Variants in PDCD1 observed in about 807,000 individuals in gnomAD.
The protein encoded by PDCD1 is programmed cell death protein 1.
PDCD1 carries 10 observed loss-of-function variants against 23.6 expected under a neutral mutation model. The ratio of observed to expected loss-of-function variants is 0.42; its 90% CI spans 0.26 to 0.72. The LOEUF (loss-of-function observed/expected upper bound fraction) is 0.72, where lower values mean the gene tolerates loss of function less well. PDCD1 is among the 30% of genes least tolerant of loss of function. The pLI is 0.24. For missense variants in PDCD1, 313 were observed against 397.8 expected, an observed-to-expected ratio of 0.79 and a Z score of 1.81; for synonymous variants, 168 against 169.3, an observed-to-expected ratio of 0.99 and a Z score of 0.06.
Position 241,851,118 on chromosome 2 carries a change from G to A in PDCD1, c.807C>T (p.Asp269=), listed in dbSNP as rs368411538. Reference sequence around the variant, plus strand: ...TCAGTGGCTGGGCACTCCGAGGGCCGTCAGCTGAGCCCCTGCGGGCGGGGG... The same window carrying A: ...TCAGTGGCTGGGCACTCCGAGGGCCATCAGCTGAGCCCCTGCGGGCGGGGG... ...TSSPARRGSA[D]GPRSAQPLRP... is the part of the protein sequence containing the mutation. Residue 269 remains aspartate, a synonymous_variant, in exon 5 of 5, where the codon GAC becomes GAT. Coordinates refer to ENST00000334409, the MANE Select transcript of PDCD1 (RefSeq NM_005018.3). 21 of 1,613,238 alleles carry A rather than the reference G, an allele frequency of 1.3e-5. No homozygotes were observed. Among genetic ancestry groups the A allele is most frequent in the Admixed American group, 1.0e-4 (6 of 60,024 alleles).
chr2:241,855,462 G>C lies in PDCD1; in HGVS notation c.77-2482C>G, dbSNP rs543704749. Among the ~76,000 whole-genome samples, 10 of 152,322 alleles carry C rather than the reference G, an allele frequency of 6.6e-5. No homozygotes were observed. The South Asian group carries it at 2.1e-3, about 32-fold the overall frequency. On this transcript the variant is annotated intron_variant, in intron 1 of 4. Transcript: ENST00000334409. The stretch of plus-strand genomic sequence containing the variant: ...CTGGTCCTGGATCAAGTTAGATTTG[G>C]GGTGTTTCTATGGGATTCCATTGTT...
Position 241,850,068 on chromosome 2 carries a change from G to A in PDCD1, c.*990C>T, listed in dbSNP as rs1019156395. The A allele has an allele frequency of 4.4e-6, 1 of 229,032 alleles. No individual in the cohort carries two copies. Among genetic ancestry groups the A allele is most frequent in the Non-Finnish European group, 8.7e-6 (1 of 115,448 alleles). The allele number at this position is 229,032 out of a possible 1,614,324, so 14.2% of individuals were successfully genotyped here. On this transcript the variant is annotated 3_prime_UTR_variant, in exon 5 of 5. Transcript: ENST00000334409. Reference sequence around the variant, plus strand: ...CCACGGCGGGGGTACTAGGCCCCGGGGGAACGCCTGTACCTTCCCACCCAG... The same window carrying A: ...CCACGGCGGGGGTACTAGGCCCCGGAGGAACGCCTGTACCTTCCCACCCAG...
At chr2:241,858,368 T>C (rs529619844) in intron 1 of PDCD1, among the ~76,000 whole-genome samples, 55 of 152,316 alleles carry the variant, frequency 3.6e-4, no homozygotes, top group African/African-American at 1.2e-3. Context: ...CGGCCAAGGT[T>C]TGGGGTTCTG....
At position 241,852,563 on chromosome 2, in the gene PDCD1, G is replaced by T; in HGVS notation, c.436+58C>A. On this transcript the variant is annotated intron_variant, in intron 2 of 4. Coordinates refer to ENST00000334409, the MANE Select transcript of PDCD1 (RefSeq NM_005018.3). ...GAGCTCCTGATCCTGTGCAGGAGGG[G>T]ACACCCACCCCAGGACCGGCTCAGC... is the stretch of plus-strand genomic sequence containing the variant. The T allele has an allele frequency of 3.2e-6, 5 of 1,574,588 alleles. No homozygotes were observed. The South Asian group carries it at 5.8e-5, about 18-fold the overall frequency.
intron 1 of PDCD1, among the ~76,000 whole-genome samples, chr2:241,856,657 T>TA (rs891057147): frequency 1.3e-5 from 2 of 151,542 alleles, no homozygotes; most frequent in East Asian, 1.9e-4. Context: ...ACCCTGTCTC[T>TA]AAAAAAAATG....
intron 2 of PDCD1, 106 bp from the exon 3 acceptor site, chr2:241,852,459 C>T (rs557304957): frequency 1.7e-6 from 2 of 1,144,912 alleles, no homozygotes; most frequent in Admixed American, 2.6e-5. Flanking sequence ...AGCTAGAGGA[C>T]AGAGATGCCG....
In PDCD1 at chr2:241,852,269, A is replaced by G. The variant is rs753341082; in HGVS notation, c.521T>C (p.Val174Ala). 13 of 1,611,628 alleles carry G rather than the reference A, an allele frequency of 8.1e-6. No individual in the cohort carries two copies. The highest frequency in any genetic ancestry group is 1.1e-5 in the Non-Finnish European group (13 of 1,179,626). Reference protein sequence around the residue: ...GQFQTLVVGVVGGLLGSLVLL... With the variant: ...GQFQTLVVGVAGGLLGSLVLL... ...CACCAGGCTGCCCAGCAGGCCGCCC[A>G]CGACACCAACCACCAGGGTTTGGAA... The change falls in exon 3 of 5, where the codon GTG (valine) becomes GCG (alanine). Residue 174 changes from valine to alanine, a missense_variant. Val to Ala is a moderately conservative substitution (Grantham distance 64). This residue lies in a region of PDCD1 where 158 missense variants were observed against 177.5 expected (regional missense o/e 0.89). Coordinates refer to ENST00000334409, the MANE Select transcript of PDCD1 (RefSeq NM_005018.3).
intron 1 of PDCD1, among the ~76,000 whole-genome samples, chr2:241,854,499 AG>A (rs1273336461): frequency 1.3e-5 from 2 of 152,042 alleles, no homozygotes; most frequent in Non-Finnish European, 2.9e-5. Flanking sequence ...TGTGACTCTC[AG>A]GGCCAGCAGG....
chr2:241,857,144 A>G (rs1361639305), intron 1 of PDCD1, among the ~76,000 whole-genome samples: 1 of 152,196 alleles, frequency 6.6e-6, no homozygotes, highest in African/African-American at 2.4e-5. Context: ...GGCCCCGGGA[A>G]TGACCGAATG....
intron 1 of PDCD1, among the ~76,000 whole-genome samples, chr2:241,855,342 C>T (rs900675504): frequency 3.9e-5 from 6 of 152,102 alleles, no homozygotes; most frequent in Non-Finnish European, 8.8e-5. Context: ...CCTGCCTCAC[C>T]CCAGTCCTCA....
At chr2:241,852,157 G>C in intron 3 of PDCD1, 41 bp downstream of exon 3, 1 of 1,590,518 alleles carries the variant, frequency 6.3e-7, no homozygotes. Flanking sequence ...GCCGCCAGCA[G>C]GGTTAGGGCA....
At position 241,851,080 on chromosome 2, in the gene PDCD1, C is replaced by T. The variant is rs768187506; in HGVS notation, c.845G>A (p.Gly282Glu). The change falls in exon 5 of 5, where the codon GGA (glycine) becomes GAA (glutamate). Residue 282 changes from glycine (G) to glutamate (E), a missense_variant. Transcript: ENST00000334409. ...RSAQPLRPEDGHCSWPL is the reference protein window; with the variant it reads ...RSAQPLRPEDEHCSWPL ...CGGTCAGAGGGGCCAAGAGCAGTGT[C>T]CATCCTCAGGCCTCAGTGGCTGGGC... 1.2e-6 allele frequency: 2 copies of T among 1,612,696 alleles called. No homozygotes were observed. Among genetic ancestry groups the T allele is most frequent in the Non-Finnish European group, 1.7e-6 (2 of 1,179,700 alleles).
chr2:241,850,722 A>AGGCAGCAGCAGCAGCAGC lies in PDCD1; in HGVS notation c.*318_*335dup. ...CACGGCGCCTTCAGCCCCGGGCCGCAGGCAGCAGCAGCAGCAGCAGCAGCA... is the reference window on the plus strand; with the variant it reads ...CACGGCGCCTTCAGCCCCGGGCCGCAGGCAGCAGCAGCAGCAGCGGCAGCAGCAGCAGCAGCAGCAGCA... On this transcript the variant is annotated 3_prime_UTR_variant, in exon 5 of 5. Transcript: ENST00000334409. 11 of 585,898 alleles carry AGGCAGCAGCAGCAGCAGC rather than the reference A, an allele frequency of 1.9e-5. No individual in the cohort carries two copies. Among genetic ancestry groups the AGGCAGCAGCAGCAGCAGC allele is most frequent in the South Asian group, 1.7e-4 (11 of 63,476 alleles). The allele number at this position is 585,898 out of a possible 1,614,324, so 36.3% of individuals were successfully genotyped here.
In PDCD1 at chr2:241,852,265, G is replaced by A. The variant is rs765913429; in HGVS notation, c.525C>T (p.Gly175=). 22 of 1,611,276 alleles carry A rather than the reference G, an allele frequency of 1.4e-5. No homozygotes were observed. The highest frequency in any genetic ancestry group is 3.3e-5 in the South Asian group (3 of 90,776). Residue 175 remains glycine, a synonymous_variant, in exon 3 of 5, where the codon GGC becomes GGT. Coordinates refer to ENST00000334409, the MANE Select transcript of PDCD1 (RefSeq NM_005018.3). The part of the protein sequence containing the change: ...QFQTLVVGVV[G]GLLGSLVLLV... Reference sequence around the variant, plus strand: ...GCAGCACCAGGCTGCCCAGCAGGCCGCCCACGACACCAACCACCAGGGTTT... The same window carrying A: ...GCAGCACCAGGCTGCCCAGCAGGCCACCCACGACACCAACCACCAGGGTTT...
intron 1 of PDCD1, 59 bp from the exon 2 acceptor site, chr2:241,853,039 A>G (rs1209574186): frequency 4.0e-6 from 6 of 1,510,770 alleles, no homozygotes; most frequent in Non-Finnish European, 5.3e-6. Flanking sequence ...CTCCCCGGCC[A>G]CCTGCTCACA....
chr2:241,854,200 A>G (rs1286834369), intron 1 of PDCD1, among the ~76,000 whole-genome samples: 1 of 152,162 alleles, frequency 6.6e-6, no homozygotes, highest in Non-Finnish European at 1.5e-5. Flanking sequence ...AGTGACCTTG[A>G]GGCCACCCAG....
chr2:241,850,177 GC>G lies in PDCD1; in HGVS notation c.*880del, dbSNP rs1238972558. On this transcript the variant is annotated 3_prime_UTR_variant, in exon 5 of 5. Coordinates refer to ENST00000334409, the MANE Select transcript of PDCD1 (RefSeq NM_005018.3). ...AGCTCCCAGGGTGGGCACATGGGGG[GC>G]CCTAGGTGCCTGCACTTCTGCCCTC... is the stretch of plus-strand genomic sequence containing the variant. 8.6e-6 allele frequency: 2 copies of G among 232,866 alleles called. No homozygotes were observed. Among genetic ancestry groups the G allele is most frequent in the Non-Finnish European group, 1.7e-5 (2 of 117,986 alleles). 14.4% of individuals were successfully genotyped at this position (232,866 alleles called of 1,614,324 possible).
At chr2:241,853,131 G>A (rs1463476812) in intron 1 of PDCD1, 151 bp from the exon 2 acceptor site, 7 of 887,832 alleles carry the variant, frequency 7.9e-6, no homozygotes, top group East Asian at 2.7e-5. Flanking sequence ...TCTGCCACCC[G>A]GGGATGGGCA....
At chr2:241,852,486 T>G in intron 2 of PDCD1, 133 bp from the exon 3 acceptor site, 3 of 1,216,342 alleles carry the variant, frequency 2.5e-6, no homozygotes, top group African/African-American at 1.5e-5. Context: ...ATTCCCCAGG[T>G]GCAGGACAGA....
Sources: allele counts gnomAD v4.1 joint callset (sites outside exome capture counted in the v4.1 genomes callset), GRCh38; gene constraint gnomAD v4.1.1; regional missense constraint gnomAD v4.1.1; transcripts MANE v1.5; gene names NCBI Gene and HGNC (gene_info 2026-07-23, HGNC 2026-07-21).